The following LARS2 variants were observed in gnomAD, a reference collection of about 807,000 sequenced individuals.
LARS2 encodes the protein leucine--tRNA ligase, mitochondrial.
A neutral mutation model predicts 116.6 loss-of-function variants in LARS2; 81 were observed. The observed-to-expected ratio is 0.69, with a 90% CI of 0.58 to 0.84. The LOEUF is 0.84. Ranked by LOEUF, LARS2 falls within the 40% of genes least tolerant of loss-of-function variation. The pLI, the probability that LARS2 is intolerant of heterozygous loss-of-function variation, is 0.00. For missense variants in LARS2, 968 were observed against 1,114.5 expected (o/e 0.87, Z 1.87); for synonymous variants, 396 against 407.2 (o/e 0.97, Z 0.33).
intron 20 of LARS2, among the ~76,000 whole-genome samples, chr3:45,526,987 G>A (rs1263933037): frequency 6.6e-6 from 1 of 152,170 alleles, no homozygotes; most frequent in Admixed American, 6.5e-5. Context: ...AGGGTGAGTG[G>A]CACCTCATCC....
At chr3:45,472,256 C>G (rs1699540778) in intron 8 of LARS2, among the ~76,000 whole-genome samples, 1 of 152,210 alleles carries the variant, frequency 6.6e-6, no homozygotes, top group African/African-American at 2.4e-5. Context: ...GCCAGTTGAT[C>G]CTGTGCCTCT....
At chr3:45,404,303 A>G (rs1698199634) in intron 4 of LARS2, among the ~76,000 whole-genome samples, 1 of 152,202 alleles carries the variant, frequency 6.6e-6, no homozygotes, top group African/African-American at 2.4e-5. Context: ...CATAGTTCAT[A>G]TTTAAGTCAC....
intron 15 of LARS2, among the ~76,000 whole-genome samples, chr3:45,504,266 A>G (rs1327447036): frequency 6.6e-6 from 1 of 152,028 alleles, no homozygotes; most frequent in Non-Finnish European, 1.5e-5. Flanking sequence ...GTCAAAAAAT[A>G]TGTGTCTTTA....
chr3:45,436,457 T>C (rs535593462), intron 6 of LARS2, among the ~76,000 whole-genome samples: 5 of 152,168 alleles, frequency 3.3e-5, no homozygotes, highest in African/African-American at 1.2e-4. Flanking sequence ...TAATCTCATC[T>C]GTAGTTTAAT....
In LARS2 at chr3:45,431,705, C is replaced by CAA. The variant is rs35013437; in HGVS notation, c.516+11987_516+11988dup. ...TGAGAAGGGAATCACATTTTACTACCAAAAAAAAAAAATCAGTTAAATACA... is the reference window on the plus strand; with the variant it reads ...TGAGAAGGGAATCACATTTTACTACCAAAAAAAAAAAAAATCAGTTAAATACA... On this transcript the variant is annotated intron_variant, in intron 6 of 21. Transcript: ENST00000645846. Among the ~76,000 whole-genome samples the CAA allele has an allele frequency of 2.7e-3, 370 of 137,364 alleles. 3 individuals carry two copies. The highest frequency in any genetic ancestry group is 4.1e-3 in the South Asian group (18 of 4,420). 90.1% of individuals were successfully genotyped at this position (137,364 alleles called of 152,430 possible).
intron 21 of LARS2, among the ~76,000 whole-genome samples, chr3:45,544,612 C>T (rs556897536): frequency 6.6e-6 from 1 of 152,300 alleles, no homozygotes; most frequent in East Asian, 1.9e-4. Flanking sequence ...CATTCACAGA[C>T]AGGCAGATGT....
chr3:45,547,437 C>A lies in LARS2; in HGVS notation c.2619C>A (p.Ser873Arg), dbSNP rs377004763. Reference protein sequence around the residue: ...QDKVHEFVLQSELGVRLLQGR... With the variant: ...QDKVHEFVLQRELGVRLLQGR... ...AAGTCCACGAATTTGTTCTTCAAAGCGAGCTGGGTGTCAGGCTTTTGCAAG... is the reference window on the plus strand; with the variant it reads ...AAGTCCACGAATTTGTTCTTCAAAGAGAGCTGGGTGTCAGGCTTTTGCAAG... Residue 873 changes from serine (S) to arginine (R), a missense_variant, in exon 22 of 22, where the codon AGC (serine) becomes AGA (arginine). Transcript: ENST00000645846. 6.2e-7 allele frequency: 1 copy of A among 1,613,714 alleles called. No individual in the cohort carries two copies. Among genetic ancestry groups the A allele is most frequent in the African/African-American group, 1.3e-5 (1 of 74,910 alleles).
In LARS2 at chr3:45,491,727, A is replaced by T. The variant is rs745912201; in HGVS notation, c.1450A>T (p.Ile484Phe). The T allele has an allele frequency of 6.2e-7, 1 of 1,613,638 alleles. No individual in the cohort carries two copies. The highest frequency in any genetic ancestry group is 1.3e-5 in the African/African-American group (1 of 74,902). ...LEDLPVTLPN[I>F]ASFTGKGGPP... ...GGACTTGCCTGTGACCCTGCCCAAC[A>T]TCGCGTCTTTCACTGGCAAGGGAGG... Residue 484 changes from isoleucine to phenylalanine, a missense_variant, in exon 13 of 22, where the codon ATC becomes TTC. Coordinates refer to ENST00000645846, the MANE Select transcript of LARS2 (RefSeq NM_015340.4).
chr3:45,432,871 G>A (rs1698741372), intron 6 of LARS2, among the ~76,000 whole-genome samples: 1 of 151,998 alleles, frequency 6.6e-6, no homozygotes. Context: ...GACAGATTTA[G>A]GATTGCTGTG....
chr3:45,444,437 G>A (rs1248118239), intron 6 of LARS2, among the ~76,000 whole-genome samples: 1 of 148,864 alleles, frequency 6.7e-6, no homozygotes, highest in Non-Finnish European at 1.5e-5. Context: ...GCCGAGGTGG[G>A]CGGATCACGA....
intron 8 of LARS2, among the ~76,000 whole-genome samples, chr3:45,467,550 A>C (rs1699445729): frequency 6.6e-6 from 1 of 152,220 alleles, no homozygotes. Context: ...ATCAATCCTG[A>C]CATGATTAGT....
At chr3:45,394,320 T>C (rs1205544948) in intron 2 of LARS2, 113 bp from the exon 3 acceptor site, 1 of 620,864 alleles carries the variant, frequency 1.6e-6, no homozygotes, top group African/African-American at 1.8e-5. Flanking sequence ...AAAGAAATTA[T>C]TAAAAGTAAG....
chr3:45,399,303 A>G (rs1456544435), intron 3 of LARS2, among the ~76,000 whole-genome samples: 2 of 152,222 alleles, frequency 1.3e-5, no homozygotes, highest in African/African-American at 4.8e-5. Context: ...GAATGCAGCT[A>G]TAGAGAATTT....
At chr3:45,415,896 GAGAGAGA>G (rs1698412489) in intron 4 of LARS2, among the ~76,000 whole-genome samples, 1 of 80,994 alleles carries the variant, frequency 1.2e-5, no homozygotes, top group Non-Finnish European at 2.8e-5. Context: ...GAGAGAGGGA[GAGAGAGA>G]GAGAGAGAGA....
chr3:45,517,545 A>G (rs1700386998), intron 17 of LARS2, among the ~76,000 whole-genome samples: 1 of 152,228 alleles, frequency 6.6e-6, no homozygotes, highest in African/African-American at 2.4e-5. Flanking sequence ...TCTCCAAAGC[A>G]CCATGTTAAC....
chr3:45,498,619 A>G (rs911512867), intron 14 of LARS2, among the ~76,000 whole-genome samples: 6 of 152,148 alleles, frequency 3.9e-5, no homozygotes, highest in Non-Finnish European at 1.5e-5. Context: ...TATCCTGGGG[A>G]AAAAGGTGGC....
chr3:45,512,282 T>C (rs1356719957), intron 15 of LARS2, among the ~76,000 whole-genome samples: 1 of 152,234 alleles, frequency 6.6e-6, no homozygotes, highest in Non-Finnish European at 1.5e-5. Context: ...ACGTGTGTTA[T>C]CAGCAGATAT....
rs1223081345 is a variant in LARS2, at chr3:45,484,618, A to ATATATATATATAT, written c.1019-1074_1019-1073insTATATATATATAT. On this transcript the variant is annotated intron_variant, in intron 10 of 21. Coordinates refer to ENST00000645846, the MANE Select transcript of LARS2 (RefSeq NM_015340.4). Reference sequence around the variant, plus strand: ...CCTGTCTCTACAAAAAAAAAAAAAAAAAAAAAAAAAAAATATATATATATA... The same window carrying ATATATATATATAT: ...CCTGTCTCTACAAAAAAAAAAAAAAATATATATATATATAAAAAAAAAAAAATATATATATATA... Among the ~76,000 whole-genome samples, 71 of 13,872 alleles carry ATATATATATATAT rather than the reference A, an allele frequency of 5.1e-3. 3 individuals are homozygous for ATATATATATATAT. The highest frequency in any genetic ancestry group is 0.012 in the East Asian group (3 of 256). The allele number at this position is 13,872 out of a possible 152,430, so 9.1% of individuals were successfully genotyped here.
At chr3:45,474,006 C>T (rs967658450) in intron 8 of LARS2, among the ~76,000 whole-genome samples, 8 of 152,074 alleles carry the variant, frequency 5.3e-5, no homozygotes, top group African/African-American at 7.2e-5. Flanking sequence ...TCCGTGAAAC[C>T]GTGACTCCCT....
Sources: gnomAD v4.1 joint callset for allele counts (sites outside exome capture counted in the v4.1 genomes callset) on GRCh38, gnomAD v4.1.1 for gene constraint, MANE v1.5 for transcripts, NCBI Gene and HGNC (gene_info 2026-07-23, HGNC 2026-07-21) for gene names.